SERPINB12: variants seen among roughly 807,000 people sequenced by gnomAD.
SERPINB12 encodes serpin B12.
Under a neutral mutation model 41.1 loss-of-function variants are expected in SERPINB12, and 57 were observed. The ratio of observed to expected loss-of-function variants is 1.39; its 90% CI spans 1.12 to 1.73. The LOEUF (loss-of-function observed/expected upper bound fraction) is 1.73, where lower values mean the gene tolerates loss of function less well. Ranked by LOEUF, SERPINB12 falls within the 40% of genes most tolerant of loss-of-function variation. The probability of loss-of-function intolerance (pLI) is 0.00; values close to 1 mark genes in which losing one functional copy is unlikely to be tolerated. For synonymous variants in SERPINB12, 180 were observed against 181.3 expected, an observed-to-expected ratio of 0.99 and a Z score of 0.06; for missense variants, 536 against 501.9, an observed-to-expected ratio of 1.07 and a Z score of -0.65.
At chr18:63,549,873 A>G (rs541739315) in intron 1 of SERPINB12, among the ~76,000 whole-genome samples, 1 of 152,334 alleles carries the variant, frequency 6.6e-6, no homozygotes, top group Admixed American at 6.5e-5. Context: ...CACAAGTGTT[A>G]TCTGCTCCAG....
At chr18:63,557,379 A>T (rs1014404014) in intron 2 of SERPINB12, among the ~76,000 whole-genome samples, 1 of 152,198 alleles carries the variant, frequency 6.6e-6, no homozygotes, top group African/African-American at 2.4e-5. Flanking sequence ...CCTAATAAAC[A>T]TTTCTAGAAT....
the SERPINB12 span, among the ~76,000 whole-genome samples, chr18:63,528,365 C>T: frequency 1.9e-3 from 279 of 150,782 alleles, 1 homozygote; most frequent in African/African-American, 6.6e-3. Context: ...ATTTGAGAAT[C>T]CCATTTCATT....
intron 3 of SERPINB12, among the ~76,000 whole-genome samples, chr18:63,559,185 ACCTCCG>A (rs1910813782): frequency 6.7e-6 from 1 of 150,248 alleles, no homozygotes; most frequent in African/African-American, 2.5e-5. Context: ...GCTCACTTCA[ACCTCCG>A]CCTCCTGGGT....
the SERPINB12 span, among the ~76,000 whole-genome samples, chr18:63,535,046 G>T: frequency 6.6e-6 from 1 of 152,134 alleles, no homozygotes; most frequent in Non-Finnish European, 1.5e-5. Flanking sequence ...TGCTCAGTCA[G>T]AATATTGCTA....
intron 1 of SERPINB12, among the ~76,000 whole-genome samples, chr18:63,545,961 G>A (rs2144316657): frequency 6.6e-6 from 1 of 152,138 alleles, no homozygotes; most frequent in Non-Finnish European, 1.5e-5. Context: ...GCTTACTATT[G>A]ATAATTCAGA....
the SERPINB12 span, among the ~76,000 whole-genome samples, chr18:63,522,447 C>T: frequency 6.6e-6 from 1 of 151,982 alleles, no homozygotes; most frequent in Admixed American, 6.5e-5. Context: ...TACCAAATTG[C>T]AAGCTGTAGA....
intron 2 of SERPINB12, 25 bp downstream of exon 2, chr18:63,556,352 C>T: frequency 6.2e-7 from 1 of 1,606,736 alleles, no homozygotes; most frequent in Non-Finnish European, 8.5e-7. Context: ...GGGTGCTACA[C>T]AGGGTCCTAA....
At position 63,556,253 on chromosome 18, in the gene SERPINB12, C is replaced by G; in HGVS notation, c.94C>G (p.Pro32Ala). ...TCGTCATAAAAACATATTTTTCTCT[C>G]CCCTGAGCCTCTCAGCTGCCCTTGG... Reference protein sequence around the residue: ...DDRHKNIFFSPLSLSAALGMV... With the variant: ...DDRHKNIFFSALSLSAALGMV... Residue 32 changes from proline to alanine, a missense_variant, in exon 2 of 8, where the codon CCC (proline) becomes GCC (alanine). Physicochemically the swap from Pro to Ala is conservative, Grantham distance 27. Transcript: ENST00000382768. The G allele has an allele frequency of 6.2e-7, 1 of 1,613,992 alleles. No homozygotes were observed.
intron 1 of SERPINB12, among the ~76,000 whole-genome samples, chr18:63,549,109 A>G (rs1910459194): frequency 6.6e-6 from 1 of 152,202 alleles, no homozygotes; most frequent in Non-Finnish European, 1.5e-5. Flanking sequence ...TGAAGACAGT[A>G]TTAGGATAAA....
intron 2 of SERPINB12, 99 bp from the exon 3 acceptor site, chr18:63,558,253 T>G (rs1365405471): frequency 7.7e-7 from 1 of 1,302,604 alleles, no homozygotes; most frequent in African/African-American, 1.5e-5. Flanking sequence ...TGTTTGACTA[T>G]GTAATCATTG....
At chr18:63,560,737 CA>C (rs1243323573) in intron 4 of SERPINB12, among the ~76,000 whole-genome samples, 1 of 152,018 alleles carries the variant, frequency 6.6e-6, no homozygotes, top group Non-Finnish European at 1.5e-5. Context: ...TTCTTAAAAA[CA>C]GAAGCATTTT....
chr18:63,544,770 T>C (rs1296446778), intron 1 of SERPINB12, among the ~76,000 whole-genome samples: 2 of 152,184 alleles, frequency 1.3e-5, no homozygotes, highest in African/African-American at 4.8e-5. Context: ...TTTTTTCCTC[T>C]TTTTATGTGT....
chr18:63,539,623 A>C (rs1460281094), upstream of SERPINB12, among the ~76,000 whole-genome samples: 1 of 151,994 alleles, frequency 6.6e-6, no homozygotes, highest in Non-Finnish European at 1.5e-5. Context: ...AAACAAAACA[A>C]AAGCAACAGC....
chr18:63,565,232 A>G (rs1911054093), intron 6 of SERPINB12, among the ~76,000 whole-genome samples: 1 of 152,092 alleles, frequency 6.6e-6, no homozygotes, highest in East Asian at 1.9e-4. Context: ...GTCACTCCAC[A>G]ACAAAAAAAG....
intron 7 of SERPINB12, 96 bp downstream of exon 7, chr18:63,565,708 C>T (rs903516684): frequency 2.0e-6 from 2 of 981,858 alleles, no homozygotes; most frequent in Non-Finnish European, 2.9e-6. Flanking sequence ...AAATTCAGTA[C>T]CTCAGCTGTC....
At chr18:63,561,005 C>T in intron 4 of SERPINB12, 80 bp from the exon 5 acceptor site, 1 of 893,276 alleles carries the variant, frequency 1.1e-6, no homozygotes, top group Non-Finnish European at 1.8e-6. Context: ...TGGGAGACTT[C>T]TCAGGAGAGT....
rs1328167085 is a variant in SERPINB12, at chr18:63,558,400, C to T, written c.217C>T (p.Pro73Ser). Residue 73 changes from proline (P) to serine (S), a missense_variant, in exon 3 of 8, where the codon CCT becomes TCT. Transcript: ENST00000382768. ...CCAGAATGAAAGCAAAGAACCTGAC[C>T]CTTGTCTGAAAAGCAACAAACAAAA... is the stretch of plus-strand genomic sequence containing the variant. ...FSQNESKEPD[P>S]CLKSNKQKVL... 1 of 1,613,864 alleles carries T rather than the reference C, an allele frequency of 6.2e-7. No individual in the cohort carries two copies. The highest frequency in any genetic ancestry group is 1.7e-5 in the Admixed American group (1 of 60,002).
chr18:63,524,180 G>A, the SERPINB12 span, among the ~76,000 whole-genome samples: 7 of 152,100 alleles, frequency 4.6e-5, no homozygotes, highest in East Asian at 1.9e-4. Context: ...TTCCAACATA[G>A]GGGACCAAAA....
chr18:63,558,658 G>T (rs931145276), intron 3 of SERPINB12, among the ~76,000 whole-genome samples, 172 bp downstream of exon 3: 2 of 152,130 alleles, frequency 1.3e-5, no homozygotes, highest in African/African-American at 4.8e-5. Flanking sequence ...GATGTCCTTG[G>T]CTATCAGCTA....
Sources: gnomAD v4.1 joint callset for allele counts (sites outside exome capture counted in the v4.1 genomes callset) on GRCh38, gnomAD v4.1.1 for gene constraint, MANE v1.5 for transcripts, NCBI Gene and HGNC (gene_info 2026-07-23, HGNC 2026-07-21) for gene names.